NXPE2: variants seen among roughly 807,000 people sequenced by gnomAD.
NXPE2 encodes the protein neurexophilin and PC-esterase domain family member 2, also known as NXPE family member 2.
Under a neutral mutation model 34.4 loss-of-function variants are expected in NXPE2, and 34 were observed. That is an observed-to-expected ratio of 0.99 (90% CI 0.75 to 1.31). The LOEUF is 1.31. NXPE2 is among the 40% of genes most tolerant of loss of function. The pLI, the probability that NXPE2 is intolerant of heterozygous loss-of-function variation, is 0.00. For missense variants in NXPE2, 649 were observed against 672.5 expected, an observed-to-expected ratio of 0.97 and a Z score of 0.39; for synonymous variants, 235 against 231.3, an observed-to-expected ratio of 1.02 and a Z score of -0.15.
chr11:114,714,789 C>A, the NXPE2 span, among the ~76,000 whole-genome samples: 2 of 152,024 alleles, frequency 1.3e-5, no homozygotes, highest in African/African-American at 4.8e-5. Context: ...TTTGGGAGGC[C>A]GAGGCAGGTG....
chr11:114,544,794 G>C, the NXPE2 span, among the ~76,000 whole-genome samples: 1 of 152,118 alleles, frequency 6.6e-6, no homozygotes, highest in Non-Finnish European at 1.5e-5. Flanking sequence ...AAGCCATAGA[G>C]TGTGAGAATA....
the NXPE2 span, among the ~76,000 whole-genome samples, chr11:114,477,537 A>C: frequency 6.6e-6 from 1 of 152,102 alleles, no homozygotes; most frequent in African/African-American, 2.4e-5. Context: ...CACCCTCCAC[A>C]AAAAAAGGAA....
At chr11:114,786,147 G>A in the NXPE2 span, among the ~76,000 whole-genome samples, 2 of 152,298 alleles carry the variant, frequency 1.3e-5, no homozygotes, top group African/African-American at 4.8e-5. Context: ...TTTGTACTGA[G>A]CTTTGCAATG....
chr11:114,613,961 C>A, the NXPE2 span, among the ~76,000 whole-genome samples: 19 of 151,402 alleles, frequency 1.3e-4, no homozygotes, highest in Admixed American at 7.9e-4. Context: ...CACTGTTTAC[C>A]GGTGGATAAT....
chr11:114,478,100 A>G, the NXPE2 span, among the ~76,000 whole-genome samples: 14 of 151,848 alleles, frequency 9.2e-5, no homozygotes, highest in Admixed American at 8.5e-4. Context: ...AAGAGGTTGT[A>G]GTAACACCAT....
At chr11:114,540,121 A>G in the NXPE2 span, among the ~76,000 whole-genome samples, 1 of 152,220 alleles carries the variant, frequency 6.6e-6, no homozygotes, top group Middle Eastern at 3.4e-3. Context: ...ATGCCTGACT[A>G]ATTTTTTCTA....
chr11:114,501,979 A>T, the NXPE2 span, among the ~76,000 whole-genome samples: 1 of 152,202 alleles, frequency 6.6e-6, no homozygotes, highest in East Asian at 1.9e-4. Context: ...TTTGTCTAAG[A>T]CAGTGTTTCC....
the NXPE2 span, among the ~76,000 whole-genome samples, chr11:114,715,690 A>G: frequency 1.1e-3 from 163 of 152,348 alleles, no homozygotes; most frequent in African/African-American, 3.5e-3. Flanking sequence ...AAATATAGTG[A>G]AACTGTGGAA....
chr11:114,567,468 G>A, the NXPE2 span, among the ~76,000 whole-genome samples: 2 of 151,982 alleles, frequency 1.3e-5, no homozygotes, highest in Non-Finnish European at 2.9e-5. Context: ...TTCCCAATAA[G>A]GCTGAACGGC....
intron 3 of NXPE2, among the ~76,000 whole-genome samples, chr11:114,699,753 G>C (rs1258753445): frequency 6.6e-6 from 1 of 151,498 alleles, no homozygotes; most frequent in Non-Finnish European, 1.5e-5. Context: ...TAAGTTGTAA[G>C]CTCTGCGAGC....
chr11:114,681,208 T>A (rs897616023), intron 2 of NXPE2, among the ~76,000 whole-genome samples: 6 of 152,194 alleles, frequency 3.9e-5, no homozygotes, highest in Non-Finnish European at 7.4e-5. Context: ...TCCAATTAAT[T>A]TCCCTGCCTC....
the NXPE2 span, among the ~76,000 whole-genome samples, chr11:114,660,264 C>T: frequency 2.0e-5 from 3 of 151,732 alleles, no homozygotes; most frequent in African/African-American, 7.3e-5. Context: ...TGATTTTTTT[C>T]AGAAAATAGA....
chr11:114,809,746 A>G, the NXPE2 span, among the ~76,000 whole-genome samples: 109,625 of 114,458 alleles, frequency 0.96, 52,821 homozygotes, highest in East Asian at 1. Flanking sequence ...AATCAATATC[A>G]TGAAAATGGC....
the NXPE2 span, among the ~76,000 whole-genome samples, chr11:114,756,455 T>G: frequency 2.6e-5 from 4 of 152,214 alleles, no homozygotes; most frequent in Non-Finnish European, 5.9e-5. Context: ...ATTTCTACTT[T>G]ATTATGAATA....
the NXPE2 span, among the ~76,000 whole-genome samples, chr11:114,736,977 A>C: frequency 6.6e-6 from 1 of 152,112 alleles, no homozygotes; most frequent in Non-Finnish European, 1.5e-5. Flanking sequence ...CTCTCTCTGG[A>C]AGTGATAACC....
At chr11:114,568,529 T>A in the NXPE2 span, among the ~76,000 whole-genome samples, 50 of 149,166 alleles carry the variant, frequency 3.4e-4, no homozygotes, top group Admixed American at 3.3e-3. Flanking sequence ...CATTCCCTCT[T>A]TCTTATTTTC....
chr11:114,649,249 G>A, the NXPE2 span, among the ~76,000 whole-genome samples: 2 of 151,892 alleles, frequency 1.3e-5, no homozygotes, highest in South Asian at 4.1e-4. Context: ...TTAGGGCATG[G>A]TAATACTAAT....
At chr11:114,633,343 T>C in the NXPE2 span, among the ~76,000 whole-genome samples, 1 of 141,854 alleles carries the variant, frequency 7.0e-6, no homozygotes, top group Non-Finnish European at 1.5e-5. Context: ...CATTTTATTA[T>C]ATGATTATAT....
At chr11:114,737,097 A>G in the NXPE2 span, among the ~76,000 whole-genome samples, 1 of 152,148 alleles carries the variant, frequency 6.6e-6, no homozygotes, top group Non-Finnish European at 1.5e-5. Context: ...TCCTTTATAC[A>G]ATTGGATTTC....
Sources: allele counts gnomAD v4.1 joint callset (sites outside exome capture counted in the v4.1 genomes callset), GRCh38; gene constraint gnomAD v4.1.1; transcripts MANE v1.5; gene names NCBI Gene and HGNC (gene_info 2026-07-23, HGNC 2026-07-21).